The following ATP4A variants were observed in gnomAD, a reference collection of about 807,000 sequenced individuals.
The protein encoded by ATP4A is potassium-transporting ATPase alpha chain 1.
Under a neutral mutation model 112.1 loss-of-function variants are expected in ATP4A, and 73 were observed. That is an observed-to-expected ratio of 0.65 (90% CI 0.54 to 0.79). The LOEUF is 0.79. Among genes scored for constraint, ATP4A ranks in the 30% least tolerant of loss-of-function variants. ATP4A has a pLI of 0.00. For missense variants in ATP4A, 1,081 were observed against 1,425.9 expected, an observed-to-expected ratio of 0.76 and a Z score of 3.90; for synonymous variants, 588 against 588.9, an observed-to-expected ratio of 1.00 and a Z score of 0.02.
chr19:35,554,872 C>T, intron 16 of ATP4A, 50 bp downstream of exon 16: 1 of 1,611,430 alleles, frequency 6.2e-7, no homozygotes, highest in Non-Finnish European at 8.5e-7. Flanking sequence ...CATCTGCAAG[C>T]AAGTGTCTCT....
chr19:35,555,625 C>G lies in ATP4A; in HGVS notation c.2007-35G>C. ...AGATGGGAGGACCTCGCTGGGACCT[C>G]GGTCTGTGCCAGATGTGGGGAGAAC... On this transcript the variant is annotated intron_variant, in intron 13 of 21. Coordinates refer to ENST00000262623, the MANE Select transcript of ATP4A (RefSeq NM_000704.3). The surrounding 1 kb of genome is among the most constrained non-coding windows in gnomAD (Gnocchi z 6.6). 6.3e-7 allele frequency: 1 copy of G among 1,579,240 alleles called. No homozygotes were observed. The highest frequency in any genetic ancestry group is 1.1e-5 in the South Asian group (1 of 87,324).
At chr19:35,552,376 C>T (rs1221248217) in intron 18 of ATP4A, among the ~76,000 whole-genome samples, 1 of 152,194 alleles carries the variant, frequency 6.6e-6, no homozygotes, top group East Asian at 1.9e-4. Context: ...TCCCAGAGGG[C>T]TGGGATAGAG....
Position 35,560,978 on chromosome 19 carries a change from G to T in ATP4A, c.421-46C>A. 6.4e-7 allele frequency: 1 copy of T among 1,554,912 alleles called. No homozygotes were observed. The highest frequency in any genetic ancestry group is 8.9e-7 in the Non-Finnish European group (1 of 1,127,410). ...GGGTTATTCAGAGGGGCCGGAAGCT[G>T]CCTGCCTGAGGCCACCGACCTGCTC... On this transcript the variant is annotated intron_variant, in intron 4 of 21. Transcript: ENST00000262623. The surrounding 1 kb of genome is among the most constrained non-coding windows in gnomAD (Gnocchi z 5.1).
chr19:35,561,782 C>T (rs917475915), intron 4 of ATP4A, among the ~76,000 whole-genome samples: 3 of 151,490 alleles, frequency 2.0e-5, no homozygotes, highest in Admixed American at 6.6e-5. Flanking sequence ...CCAGGGTCTC[C>T]TATTCCCCGT....
chr19:35,558,724 G>A lies in ATP4A; in HGVS notation c.1256-38C>T. ...CGTCCAGGCTGGGTCCCGCACGGCG[G>A]CTCTCCCGGACCAGAACCGAGCCCC... On this transcript the variant is annotated intron_variant, in intron 8 of 21. Coordinates refer to ENST00000262623, the MANE Select transcript of ATP4A (RefSeq NM_000704.3). This position sits in a 1 kb window ranked among gnomAD's most constrained non-coding sequence, Gnocchi z 5.1. The A allele has an allele frequency of 6.5e-7, 1 of 1,542,534 alleles. No homozygotes were observed. The highest frequency in any genetic ancestry group is 1.2e-5 in the South Asian group (1 of 84,110).
chr19:35,560,997 C>A lies in ATP4A; in HGVS notation c.421-65G>T. 1 of 1,372,752 alleles carries A rather than the reference C, an allele frequency of 7.3e-7. No individual in the cohort carries two copies. Among genetic ancestry groups the A allele is most frequent in the Non-Finnish European group, 1.0e-6 (1 of 963,484 alleles). 85.0% of individuals were successfully genotyped at this position (1,372,752 alleles called of 1,614,324 possible). A position where few individuals can be genotyped will look rare whatever the true frequency, so the allele number is the denominator to read the frequency against. ...GAAGCTGCCTGCCTGAGGCCACCGACCTGCTCCCTGGTGCCCTGGTTTTCT... is the reference window on the plus strand; with the variant it reads ...GAAGCTGCCTGCCTGAGGCCACCGAACTGCTCCCTGGTGCCCTGGTTTTCT... On this transcript the variant is annotated intron_variant, in intron 4 of 21. Transcript: ENST00000262623. This position sits in a 1 kb window ranked among gnomAD's most constrained non-coding sequence, Gnocchi z 5.1.
intron 16 of ATP4A, 118 bp downstream of exon 16, chr19:35,554,804 G>A: frequency 7.1e-7 from 1 of 1,410,576 alleles, no homozygotes; most frequent in Non-Finnish European, 9.8e-7. Context: ...TGCACACACA[G>A]GTCTTGTCTG....
At position 35,555,350 on chromosome 19, in the gene ATP4A, G is replaced by A; in HGVS notation, c.2158-16C>T. Reference sequence around the variant, plus strand: ...CAATCGCACCCTGCAGGCAGTGGGTGCAGGTGGTGGGTGGGTGGTCAGTGA... The same window carrying A: ...CAATCGCACCCTGCAGGCAGTGGGTACAGGTGGTGGGTGGGTGGTCAGTGA... On this transcript the variant is annotated splice_polypyrimidine_tract_variant and intron_variant, in intron 14 of 21. Transcript: ENST00000262623. This position sits in a 1 kb window ranked among gnomAD's most constrained non-coding sequence, Gnocchi z 6.6. 6.2e-7 allele frequency: 1 copy of A among 1,608,692 alleles called. No individual in the cohort carries two copies. The highest frequency in any genetic ancestry group is 8.5e-7 in the Non-Finnish European group (1 of 1,176,504).
chr19:35,550,674 T>G lies in ATP4A; in HGVS notation c.3080-31A>C. 1 of 1,613,662 alleles carries G rather than the reference T, an allele frequency of 6.2e-7. No homozygotes were observed. The highest frequency in any genetic ancestry group is 8.5e-7 in the Non-Finnish European group (1 of 1,179,740). On this transcript the variant is annotated intron_variant, in intron 21 of 21. Coordinates refer to ENST00000262623, the MANE Select transcript of ATP4A (RefSeq NM_000704.3). The surrounding 1 kb of genome is among the most constrained non-coding windows in gnomAD (Gnocchi z 4.1). ...AGAGAGAGGGAGAAAGGAGACTCAGTGCTGGGGGTGCCACTTAGGCAGGGC... is the reference window on the plus strand; with the variant it reads ...AGAGAGAGGGAGAAAGGAGACTCAGGGCTGGGGGTGCCACTTAGGCAGGGC...
In ATP4A at chr19:35,557,099, AC is replaced by A. The variant is rs774139997; in HGVS notation, c.1694-12del. On this transcript the variant is annotated splice_polypyrimidine_tract_variant and intron_variant, in intron 11 of 21. Coordinates refer to ENST00000262623, the MANE Select transcript of ATP4A (RefSeq NM_000704.3). The surrounding 1 kb of genome is among the most constrained non-coding windows in gnomAD (Gnocchi z 4.4). ...AGAGCTGGCAGAAGCCTGACCGGAA[AC>A]GGGGAAGTCAGGGAAGAGCCCTGGG... The A allele has an allele frequency of 6.2e-7, 1 of 1,614,056 alleles. No homozygotes were observed. The highest frequency in any genetic ancestry group is 1.1e-5 in the South Asian group (1 of 91,084).
In ATP4A at chr19:35,559,236, T is replaced by A. The variant is rs1236779434; in HGVS notation, c.1057-45A>T. 2.5e-6 allele frequency: 4 copies of A among 1,595,738 alleles called. No homozygotes were observed. In the African/African-American group the frequency reaches 5.4e-5, roughly 21 times the overall value. On this transcript the variant is annotated intron_variant, in intron 7 of 21. Transcript: ENST00000262623. The surrounding 1 kb of genome is among the most constrained non-coding windows in gnomAD (Gnocchi z 4.1). The stretch of plus-strand genomic sequence containing the variant: ...CGCAGGCTGGGGACCCACCCTGGCT[T>A]CCAGTCCTCTTCCCCGCGTCAAAGA...
In ATP4A at chr19:35,557,882, G is replaced by C; in HGVS notation, c.1501-35C>G. 1 of 1,175,488 alleles carries C rather than the reference G, an allele frequency of 8.5e-7. No individual in the cohort carries two copies. Among genetic ancestry groups the C allele is most frequent in the Non-Finnish European group, 1.2e-6 (1 of 865,394 alleles). The allele number at this position is 1,175,488 out of a possible 1,614,324, so 72.8% of individuals were successfully genotyped here. The stretch of plus-strand genomic sequence containing the variant: ...GGGGGGAGAGGCGAGGCTGTGGACG[G>C]GGGAACGGGGCGGGGCTGTGGACGA... On this transcript the variant is annotated intron_variant, in intron 10 of 21. Coordinates refer to ENST00000262623, the MANE Select transcript of ATP4A (RefSeq NM_000704.3). This position sits in a 1 kb window ranked among gnomAD's most constrained non-coding sequence, Gnocchi z 4.4.
Position 35,560,446 on chromosome 19 carries a change from G to A in ATP4A, c.704C>T (p.Pro235Leu). 1 of 1,613,870 alleles carries A rather than the reference G, an allele frequency of 6.2e-7. No homozygotes were observed. The highest frequency in any genetic ancestry group is 8.5e-7 in the Non-Finnish European group (1 of 1,180,030). Residue 235 changes from proline (P) to leucine (L), a missense_variant, in exon 6 of 22, where the codon CCA becomes CTA. Physicochemically the swap from Pro to Leu is moderately conservative, Grantham distance 98. Around this residue, in one of 3 missense-constraint regions of ATP4A, gnomAD observed 850 missense variants for 1,068.2 expected, o/e 0.80. Transcript: ENST00000262623. The surrounding 1 kb of genome is among the most constrained non-coding windows in gnomAD (Gnocchi z 5.1). ...CGTGCACTCGGGTGAGCGGGTCTGT[G>A]GCTCAGACTCCCCTGTCAGCGAGGA... ...DNSSLTGESE[P>L]QTRSPECTHE...
Position 35,551,034 on chromosome 19 carries a change from T to C in ATP4A, c.2963A>G (p.Asn988Ser), listed in dbSNP as rs1235567606. ...CCGAATGGGCATGAAGTTGAAGATG[T>C]TGGGCATGCCGGGGCAGTAGCACAG... ...CFLCYCPGMP[N>S]IFNFMPIRFQ... The change falls in exon 20 of 22, where the codon AAC becomes AGC. Residue 988 changes from asparagine to serine, a missense_variant. Asn to Ser is a conservative substitution (Grantham distance 46, BLOSUM62 1). Coordinates refer to ENST00000262623, the MANE Select transcript of ATP4A (RefSeq NM_000704.3). The surrounding 1 kb of genome is among the most constrained non-coding windows in gnomAD (Gnocchi z 5.2). 10 of 1,614,008 alleles carry C rather than the reference T, an allele frequency of 6.2e-6. No individual in the cohort carries two copies. The highest frequency in any genetic ancestry group is 1.7e-5 in the Admixed American group (1 of 60,000).
rs746863905 is a variant in ATP4A at position 35,556,914 on chromosome 19, C to T, written c.1868G>A (p.Arg623Gln). 2.2e-5 allele frequency: 35 copies of T among 1,613,486 alleles called. 1 individual carries two copies. Among genetic ancestry groups the T allele is most frequent in the Middle Eastern group, 3.3e-4 (2 of 6,014 alleles). Residue 623 changes from arginine to glutamine, a missense_variant and splice_region_variant, in exon 12 of 22, where the codon CGG (arginine) becomes CAG (glutamine). Around this residue, in one of 3 missense-constraint regions of ATP4A, gnomAD observed 850 missense variants for 1,068.2 expected, o/e 0.80. Transcript: ENST00000262623. ...AVLKCRTAGI[R>Q]VIMVTGDHPI... Reference sequence around the variant, plus strand: ...TTGTTCCTCCCCACAGTGGCATACCCGGATGCCTGCGGTGCGACACTTGAG... The same window carrying T: ...TTGTTCCTCCCCACAGTGGCATACCTGGATGCCTGCGGTGCGACACTTGAG...
Position 35,556,981 on chromosome 19 carries a change from A to T in ATP4A, c.1801T>A (p.Ser601Thr). ...SSGLCFAGLV[S>T]MIDPPRATVP... ...GTGGCCCGGGGTGGGTCAATCATGG[A>T]TACAAGTCCCGCAAAGCAGAGGCCG... The change falls in exon 12 of 22, where the codon TCC (serine) becomes ACC (threonine). Residue 601 changes from serine to threonine, a missense_variant. Coordinates refer to ENST00000262623, the MANE Select transcript of ATP4A (RefSeq NM_000704.3). 2.5e-6 allele frequency: 4 copies of T among 1,614,152 alleles called. No homozygotes were observed. The highest frequency in any genetic ancestry group is 3.4e-6 in the Non-Finnish European group (4 of 1,180,032).
Position 35,550,998 on chromosome 19 carries a change from A to G in ATP4A, c.2987+12T>C. On this transcript the variant is annotated intron_variant, in intron 20 of 21. Coordinates refer to ENST00000262623, the MANE Select transcript of ATP4A (RefSeq NM_000704.3). The surrounding 1 kb of genome is among the most constrained non-coding windows in gnomAD (Gnocchi z 4.1). ...AGCCCCCTCCCTGTCCTTGCCCCTC[A>G]CAGCCTCTCACCGAATGGGCATGAA... 1 of 1,613,444 alleles carries G rather than the reference A, an allele frequency of 6.2e-7. No individual in the cohort carries two copies. Among genetic ancestry groups the G allele is most frequent in the Non-Finnish European group, 8.5e-7 (1 of 1,179,648 alleles).
In ATP4A at chr19:35,559,413, T is replaced by C. The variant is rs750271701; in HGVS notation, c.1057-222A>G. On this transcript the variant is annotated intron_variant, in intron 7 of 21. Transcript: ENST00000262623. The surrounding 1 kb of genome is among the most constrained non-coding windows in gnomAD (Gnocchi z 4.1). Reference sequence around the variant, plus strand: ...CAGATACAGTAGCGAGGCCCCTCTCTGAGCTGTCCCAGCCGAGGTTCTGAA... The same window carrying C: ...CAGATACAGTAGCGAGGCCCCTCTCCGAGCTGTCCCAGCCGAGGTTCTGAA... Among the ~76,000 whole-genome samples, 45 of 152,250 alleles carry C rather than the reference T, an allele frequency of 3.0e-4. No homozygotes were observed. Among genetic ancestry groups the C allele is most frequent in the Non-Finnish European group, 7.3e-5 (5 of 68,040 alleles).
In ATP4A at chr19:35,552,923, G is replaced by A. The variant is rs578157244; in HGVS notation, c.2751+114C>T. On this transcript the variant is annotated intron_variant, in intron 18 of 21. Transcript: ENST00000262623. The stretch of plus-strand genomic sequence containing the variant: ...GAACTGGCAGGGAGTCTGGGGGTCC[G>A]GGATGCTCTGGCTGAACTCAGTCAC... 1.6e-5 allele frequency: 22 copies of A among 1,363,336 alleles called. No homozygotes were observed. The African/African-American group carries it at 2.2e-4, about 14-fold the overall frequency. The allele number at this position is 1,363,336 out of a possible 1,614,324, so 84.5% of individuals were successfully genotyped here. A position where few individuals can be genotyped will look rare whatever the true frequency, so the allele number is the denominator to read the frequency against.
Sources: gnomAD v4.1 joint callset for allele counts (sites outside exome capture counted in the v4.1 genomes callset) on GRCh38, gnomAD v4.1.1 for gene constraint, gnomAD v4.1.1 regional missense constraint, Gnocchi (gnomAD v3.1) non-coding constraint, MANE v1.5 for transcripts, NCBI Gene and HGNC (gene_info 2026-07-23, HGNC 2026-07-21) for gene names.